ATP8A2: variants seen among roughly 807,000 people sequenced by gnomAD.
ATP8A2 encodes phospholipid-transporting ATPase IB.
ATP8A2 carries 100 observed loss-of-function variants against 165.6 expected under a neutral mutation model. The ratio of observed to expected loss-of-function variants is 0.60; its 90% CI spans 0.51 to 0.71. ATP8A2 has a LOEUF of 0.71. Among genes scored for constraint, ATP8A2 ranks in the 30% least tolerant of loss-of-function variants. ATP8A2 has a pLI of 0.00. For missense variants in ATP8A2, 1,227 were observed against 1,479.5 expected (o/e 0.83, Z 2.80); for synonymous variants, 543 against 548.8 (o/e 0.99, Z 0.15).
chr13:25,726,428 C>T (rs924641087), intron 25 of ATP8A2, among the ~76,000 whole-genome samples: 6 of 152,222 alleles, frequency 3.9e-5, no homozygotes, highest in Admixed American at 6.5e-5. Flanking sequence ...CTCTTAGGTT[C>T]TGTGGGCTCT....
intron 1 of ATP8A2, among the ~76,000 whole-genome samples, chr13:25,465,436 T>C (rs1277877703): frequency 6.6e-6 from 1 of 152,120 alleles, no homozygotes; most frequent in Non-Finnish European, 1.5e-5. Context: ...GTGGGAGATA[T>C]TATTCCACTT....
chr13:25,433,578 G>T (rs2034673098), intron 1 of ATP8A2, among the ~76,000 whole-genome samples: 2 of 152,136 alleles, frequency 1.3e-5, no homozygotes, highest in South Asian at 2.1e-4. Context: ...CTGACCTCAG[G>T]TCTGTTTTTC....
intron 22 of ATP8A2, 91 bp downstream of exon 22, chr13:25,580,038 AG>A: frequency 7.1e-7 from 1 of 1,415,240 alleles, no homozygotes; most frequent in South Asian, 1.3e-5. Context: ...TTTACTATGT[AG>A]GGATGTTCTC....
intron 25 of ATP8A2, among the ~76,000 whole-genome samples, chr13:25,727,787 A>G (rs1454255627): frequency 6.6e-6 from 1 of 152,198 alleles, no homozygotes; most frequent in Non-Finnish European, 1.5e-5. Flanking sequence ...AGCACTGGGA[A>G]TATACTCCCC....
chr13:25,828,210 C>A lies in ATP8A2; in HGVS notation c.2754+18C>A. 6.3e-7 allele frequency: 1 copy of A among 1,588,234 alleles called. No homozygotes were observed. Among genetic ancestry groups the A allele is most frequent in the Non-Finnish European group, 8.6e-7 (1 of 1,156,488 alleles). On this transcript the variant is annotated intron_variant, in intron 28 of 36. Transcript: ENST00000381655. ...ACAATGTGGTAAGCATTCTTCATCT[C>A]TATCTGATAGCATGCAGAACTTAGA...
intron 24 of ATP8A2, among the ~76,000 whole-genome samples, chr13:25,601,445 TAATTA>T (rs1336301585): frequency 3.9e-5 from 6 of 152,020 alleles, no homozygotes; most frequent in African/African-American, 1.2e-4. Context: ...TGTTTAGAAA[TAATTA>T]AATTGTTTGT....
intron 25 of ATP8A2, among the ~76,000 whole-genome samples, chr13:25,763,988 G>C (rs2044438833): frequency 6.6e-6 from 1 of 152,104 alleles, no homozygotes; most frequent in Non-Finnish European, 1.5e-5. Flanking sequence ...TGAAGTTTTT[G>C]ACTGACTGCC....
chr13:25,920,194 A>G (rs1954406591), intron 33 of ATP8A2, among the ~76,000 whole-genome samples: 1 of 152,016 alleles, frequency 6.6e-6, no homozygotes. Context: ...CTCTTCTGTA[A>G]CTTACAGGTT....
chr13:25,974,719 C>T (rs1955990372), intron 35 of ATP8A2, among the ~76,000 whole-genome samples: 1 of 152,086 alleles, frequency 6.6e-6, no homozygotes, highest in Non-Finnish European at 1.5e-5. Context: ...CCTGCTCCAT[C>T]GGGATGAATT....
chr13:25,567,769 T>A (rs1036434606), intron 16 of ATP8A2, among the ~76,000 whole-genome samples: 20 of 152,220 alleles, frequency 1.3e-4, no homozygotes, highest in African/African-American at 4.8e-4. Flanking sequence ...TCTTTGACAT[T>A]TAACATCTAG....
intron 25 of ATP8A2, among the ~76,000 whole-genome samples, chr13:25,768,299 C>T (rs1179638676): frequency 6.6e-6 from 1 of 152,124 alleles, no homozygotes; most frequent in Non-Finnish European, 1.5e-5. Context: ...TTTATACTGG[C>T]TCCTCTTCCC....
intron 1 of ATP8A2, among the ~76,000 whole-genome samples, chr13:25,389,030 A>G (rs932477640): frequency 1.3e-5 from 2 of 152,188 alleles, no homozygotes; most frequent in African/African-American, 2.4e-5. Context: ...CCTGCACCCA[A>G]TAGGAGACTC....
At chr13:25,383,874 A>G (rs1046863786) in intron 1 of ATP8A2, among the ~76,000 whole-genome samples, 1 of 152,150 alleles carries the variant, frequency 6.6e-6, no homozygotes, top group Non-Finnish European at 1.5e-5. Context: ...CCCTTGTCAC[A>G]GTCATCTGAG....
At chr13:25,574,729 C>G in intron 18 of ATP8A2, 79 bp from the exon 19 acceptor site, 1 of 828,896 alleles carries the variant, frequency 1.2e-6, no homozygotes. Flanking sequence ...ATATATATGT[C>G]TGTTTATGCT....
intron 24 of ATP8A2, among the ~76,000 whole-genome samples, chr13:25,614,829 T>C (rs2040780585): frequency 6.6e-6 from 1 of 152,230 alleles, no homozygotes; most frequent in African/African-American, 2.4e-5. Context: ...CTGGGGAATG[T>C]CTACAAAGAG....
Position 25,938,536 on chromosome 13 carries a change from CAT to C in ATP8A2, c.3184-23038_3184-23037del, listed in dbSNP as rs370497519. ...GTGTTAACTTTCATGCCTAAACATG[CAT>C]GTGTGTGTGTGTTTCACCTGAATTA... On this transcript the variant is annotated intron_variant, in intron 33 of 36. Coordinates refer to ENST00000381655, the MANE Select transcript of ATP8A2 (RefSeq NM_016529.6). Among the ~76,000 whole-genome samples, 284 of 152,270 alleles carry C rather than the reference CAT, an allele frequency of 1.9e-3. 2 individuals carry two copies. Among genetic ancestry groups the C allele is most frequent in the African/African-American group, 6.5e-3 (270 of 41,548 alleles).
intron 2 of ATP8A2, among the ~76,000 whole-genome samples, chr13:25,497,031 C>A (rs558055490): frequency 6.6e-6 from 1 of 152,114 alleles, no homozygotes; most frequent in Non-Finnish European, 1.5e-5. Context: ...CTGACTCCCT[C>A]GGCAGGCTGC....
In ATP8A2 at chr13:25,769,119, G is replaced by A. The variant is rs770965512; in HGVS notation, c.2458G>A (p.Gly820Arg). ...GGTGAAGGCCATCACCCTCGCCATC[G>A]GAGACGGCGCCAACGATGTCGGGAT... ...KRVKAITLAI[G>R]DGANDVGMIQ... The change falls in exon 26 of 37, where the codon GGA (glycine) becomes AGA (arginine). Residue 820 changes from glycine to arginine, a missense_variant. By Grantham distance (125) the Gly-to-Arg change is moderately radical. Transcript: ENST00000381655. 2.5e-6 allele frequency: 4 copies of A among 1,614,144 alleles called. No homozygotes were observed. Among genetic ancestry groups the A allele is most frequent in the South Asian group, 2.2e-5 (2 of 91,086 alleles).
intron 2 of ATP8A2, among the ~76,000 whole-genome samples, chr13:25,478,375 C>T (rs969423526): frequency 6.6e-6 from 1 of 152,130 alleles, no homozygotes; most frequent in Non-Finnish European, 1.5e-5. Context: ...AGTCACTCAA[C>T]AGACAGCAAA....
Sources: gnomAD v4.1 joint callset for allele counts (sites outside exome capture counted in the v4.1 genomes callset) on GRCh38, gnomAD v4.1.1 for gene constraint, MANE v1.5 for transcripts, NCBI Gene and HGNC (gene_info 2026-07-23, HGNC 2026-07-21) for gene names.